The following SIPA1L1 variants were observed in gnomAD, a reference collection of about 807,000 sequenced individuals.
SIPA1L1 encodes signal-induced proliferation-associated 1-like protein 1.
Under a neutral mutation model 162.7 loss-of-function variants are expected in SIPA1L1, and 26 were observed. That is an observed-to-expected ratio of 0.16 (90% CI 0.12 to 0.22). SIPA1L1 has a LOEUF of 0.22. SIPA1L1 is among the 10% of genes least tolerant of loss of function. The pLI is 1.00. For synonymous variants in SIPA1L1, 829 were observed against 837.4 expected, an observed-to-expected ratio of 0.99 and a Z score of 0.17; for missense variants, 1,874 against 2,241.0, an observed-to-expected ratio of 0.84 and a Z score of 3.31.
At chr14:71,542,583 T>C (rs375242144) in intron 4 of SIPA1L1, among the ~76,000 whole-genome samples, 32 of 133,558 alleles carry the variant, frequency 2.4e-4, no homozygotes, top group East Asian at 1.9e-3. Context: ...TCCTCCTCCT[T>C]CTTCTTCCTC....
intron 2 of SIPA1L1, among the ~76,000 whole-genome samples, chr14:71,333,266 G>A (rs567072669): frequency 1.2e-3 from 185 of 152,258 alleles, no homozygotes; most frequent in African/African-American, 4.2e-3. Context: ...ATGTGTAGTC[G>A]TCTTGGGATA....
At chr14:71,572,383 A>G (rs944768647) in intron 4 of SIPA1L1, among the ~76,000 whole-genome samples, 1 of 152,242 alleles carries the variant, frequency 6.6e-6, no homozygotes, top group Non-Finnish European at 1.5e-5. Context: ...ACCATCAGTC[A>G]GTTTAAAGCT....
intron 23 of SIPA1L1, among the ~76,000 whole-genome samples, 177 bp downstream of exon 23, chr14:71,738,502 G>A (rs187324083): frequency 4.0e-4 from 61 of 152,210 alleles, no homozygotes; most frequent in African/African-American, 1.3e-3. Context: ...GGAGGCGTTC[G>A]GTGTCCGGTG....
At chr14:71,558,326 T>C (rs1380624548) in intron 4 of SIPA1L1, among the ~76,000 whole-genome samples, 1 of 152,196 alleles carries the variant, frequency 6.6e-6, no homozygotes, top group Non-Finnish European at 1.5e-5. Flanking sequence ...CTCATGACTA[T>C]ATAGAGAGCA....
At chr14:71,540,749 A>G (rs2054305017) in intron 4 of SIPA1L1, among the ~76,000 whole-genome samples, 1 of 152,228 alleles carries the variant, frequency 6.6e-6, no homozygotes, top group African/African-American at 2.4e-5. Flanking sequence ...ATTGTTTGAA[A>G]TTAGGGCAAA....
At position 71,732,863 on chromosome 14, in the gene SIPA1L1, G is replaced by T. The variant is rs565087660; in HGVS notation, c.4862-803G>T. 1.6e-4 allele frequency among the ~76,000 whole-genome samples: 24 copies of T among 152,340 alleles called. 1 individual carries two copies. The highest frequency in any genetic ancestry group is 1.3e-4 in the Admixed American group (2 of 15,312). ...GAACCCAGTGGGCTGCCCCTCAACAGCAGAGAGGGCAGGCATGGGCCTTCT... is the reference window on the plus strand; with the variant it reads ...GAACCCAGTGGGCTGCCCCTCAACATCAGAGAGGGCAGGCATGGGCCTTCT... On this transcript the variant is annotated intron_variant, in intron 20 of 23. Coordinates refer to ENST00000381232, the MANE Select transcript of SIPA1L1 (RefSeq NM_001386936.1).
intron 3 of SIPA1L1, among the ~76,000 whole-genome samples, chr14:71,520,342 A>G (rs1276869104): frequency 6.6e-6 from 1 of 152,218 alleles, no homozygotes; most frequent in African/African-American, 2.4e-5. Context: ...ATAGGATGCC[A>G]TGAGAACACA....
chr14:71,458,876 A>G (rs1476170493), intron 2 of SIPA1L1, among the ~76,000 whole-genome samples: 4 of 151,884 alleles, frequency 2.6e-5, no homozygotes, highest in Non-Finnish European at 2.9e-5. Context: ...TTAGAGACCA[A>G]CCTGGCCTCT....
At chr14:71,442,138 A>G (rs939552181) in intron 2 of SIPA1L1, among the ~76,000 whole-genome samples, 1 of 139,884 alleles carries the variant, frequency 7.1e-6, no homozygotes, top group South Asian at 2.2e-4. Flanking sequence ...GCGTCACTGT[A>G]CTCCAGCCTG....
chr14:71,323,156 T>A (rs1475197798), intron 2 of SIPA1L1, among the ~76,000 whole-genome samples: 1 of 152,242 alleles, frequency 6.6e-6, no homozygotes, highest in African/African-American at 2.4e-5. Flanking sequence ...CTTCATTGTT[T>A]AGGAACTTTT....
chr14:71,374,779 T>C (rs2039227536), intron 2 of SIPA1L1, among the ~76,000 whole-genome samples: 1 of 151,966 alleles, frequency 6.6e-6, no homozygotes, highest in East Asian at 1.9e-4. Context: ...CCTGTAGTTT[T>C]CAATTGCAAA....
intron 22 of SIPA1L1, 55 bp from the exon 23 acceptor site, chr14:71,738,186 A>AAAC: frequency 1.7e-6 from 1 of 572,486 alleles, no homozygotes. Flanking sequence ...AAAAAAAAAA[A>AAAC]CAAACCCAGC....
At chr14:71,331,544 A>G (rs1467222155) in intron 2 of SIPA1L1, among the ~76,000 whole-genome samples, 2 of 152,216 alleles carry the variant, frequency 1.3e-5, no homozygotes, top group Non-Finnish European at 2.9e-5. Context: ...ACACATACAG[A>G]GTCCAGTGGC....
intron 7 of SIPA1L1, among the ~76,000 whole-genome samples, chr14:71,645,172 G>A (rs937902030): frequency 2.6e-5 from 4 of 152,130 alleles, no homozygotes; most frequent in African/African-American, 9.7e-5. Flanking sequence ...TGCCTCCATT[G>A]TCTTTTCTCT....
chr14:71,492,021 A>G (rs941303341), intron 2 of SIPA1L1, among the ~76,000 whole-genome samples: 4 of 152,082 alleles, frequency 2.6e-5, no homozygotes, highest in African/African-American at 7.2e-5. Flanking sequence ...ATTTGACTGT[A>G]TTTCAACCTG....
At chr14:71,433,776 A>C (rs929293543) in intron 2 of SIPA1L1, among the ~76,000 whole-genome samples, 7 of 152,246 alleles carry the variant, frequency 4.6e-5, no homozygotes, top group African/African-American at 1.7e-4. Context: ...CTTCCATGGA[A>C]AACATTCTTG....
chr14:71,378,745 G>A (rs1387205177), intron 2 of SIPA1L1, among the ~76,000 whole-genome samples: 1 of 151,478 alleles, frequency 6.6e-6, no homozygotes, highest in East Asian at 1.9e-4. Context: ...TGATGATTTT[G>A]TCATTGTCCT....
At chr14:71,439,351 G>T (rs560521085) in intron 2 of SIPA1L1, among the ~76,000 whole-genome samples, 91 of 152,278 alleles carry the variant, frequency 6.0e-4, no homozygotes, top group African/African-American at 2.2e-3. Flanking sequence ...CCCCTTGCAA[G>T]GAAAAGGTAG....
At chr14:71,419,328 G>A (rs2043012162) in intron 2 of SIPA1L1, among the ~76,000 whole-genome samples, 1 of 151,118 alleles carries the variant, frequency 6.6e-6, no homozygotes, top group African/African-American at 2.4e-5. Context: ...AAAAGTAAAT[G>A]TTTTGAGAAA....
Sources: allele counts gnomAD v4.1 joint callset (sites outside exome capture counted in the v4.1 genomes callset), GRCh38; gene constraint gnomAD v4.1.1; transcripts MANE v1.5; gene names NCBI Gene and HGNC (gene_info 2026-07-23, HGNC 2026-07-21).